PRKN: variants seen among roughly 807,000 people sequenced by gnomAD.
PRKN encodes E3 ubiquitin-protein ligase parkin.
Under a neutral mutation model 59.5 loss-of-function variants are expected in PRKN, and 56 were observed. That is an observed-to-expected ratio of 0.94 (90% CI 0.76 to 1.18). The LOEUF is 1.18. Among genes scored for constraint, PRKN ranks in the 50% most tolerant of loss-of-function variants. The pLI is 0.00. For synonymous variants in PRKN, 250 were observed against 222.1 expected (o/e 1.13, Z -1.12); for missense variants, 657 against 596.4 (o/e 1.10, Z -1.06).
intron 4 of PRKN, among the ~76,000 whole-genome samples, chr6:162,187,303 T>G (rs1324765751): frequency 6.6e-6 from 1 of 152,150 alleles, no homozygotes; most frequent in East Asian, 1.9e-4. Flanking sequence ...TCTAAACAAC[T>G]TGTACAGGAG....
At chr6:162,184,792 T>C (rs1411317945) in intron 4 of PRKN, among the ~76,000 whole-genome samples, 2 of 152,212 alleles carry the variant, frequency 1.3e-5, no homozygotes, top group Non-Finnish European at 2.9e-5. Flanking sequence ...TTAAAGATTC[T>C]GAAATCTGCA....
intron 2 of PRKN, among the ~76,000 whole-genome samples, chr6:162,421,099 G>A (rs117128643): frequency 0.039 from 5,923 of 152,188 alleles, 190 homozygotes; most frequent in Middle Eastern, 0.058. Flanking sequence ...CATGTCCAGA[G>A]ATCTCTGATT....
At chr6:162,576,836 A>C (rs1780578278) in intron 1 of PRKN, among the ~76,000 whole-genome samples, 1 of 145,292 alleles carries the variant, frequency 6.9e-6, no homozygotes, top group Admixed American at 6.8e-5. Context: ...AAAAAAAGGG[A>C]CTACTTATTG....
At chr6:161,733,797 T>TATATATATATATATAA in intron 7 of PRKN, among the ~76,000 whole-genome samples, 1 of 82,006 alleles carries the variant, frequency 1.2e-5, no homozygotes, top group African/African-American at 4.1e-5. Flanking sequence ...TATATATATA[T>TATATATATATATATAA]GTATATATAT....
intron 5 of PRKN, among the ~76,000 whole-genome samples, chr6:162,043,898 C>T (rs1233049763): frequency 2.6e-5 from 4 of 152,160 alleles, no homozygotes; most frequent in Admixed American, 2.6e-4. Context: ...CACTGAGGAA[C>T]ACCCTGGAGA....
intron 6 of PRKN, among the ~76,000 whole-genome samples, chr6:161,819,977 T>A (rs1351236992): frequency 5.9e-5 from 9 of 152,134 alleles, no homozygotes; most frequent in African/African-American, 2.2e-4. Context: ...TAAGTAACAC[T>A]GAAAAAATTA....
intron 3 of PRKN, among the ~76,000 whole-genome samples, chr6:162,203,622 T>G (rs1360714623): frequency 6.6e-6 from 1 of 152,192 alleles, no homozygotes; most frequent in Non-Finnish European, 1.5e-5. Context: ...TCGGCCTGGC[T>G]GAAGGGCCTA....
intron 1 of PRKN, among the ~76,000 whole-genome samples, chr6:162,478,748 GGC>G (rs1331969560): frequency 6.6e-6 from 1 of 152,132 alleles, no homozygotes; most frequent in Non-Finnish European, 1.5e-5. Flanking sequence ...TGCTGCTCTT[GGC>G]TACAAACCGG....
At position 162,488,052 on chromosome 6, in the gene PRKN, T is replaced by TG. The variant is rs1471892092; in HGVS notation, c.8-44580dup. On this transcript the variant is annotated intron_variant, in intron 1 of 11. Coordinates refer to ENST00000366898, the MANE Select transcript of PRKN (RefSeq NM_004562.3). ...CTTTTTTTTTTTTTTTTTTTTTTTT[T>TG]GGCGGAGGGTTAAACACTCACTAAT... 5.4e-5 allele frequency among the ~76,000 whole-genome samples: 8 copies of TG among 147,162 alleles called. No homozygotes were observed. The South Asian group carries it at 1.7e-3, about 31-fold the overall frequency.
intron 6 of PRKN, among the ~76,000 whole-genome samples, chr6:161,932,634 G>T (rs2128241220): frequency 6.6e-6 from 1 of 152,230 alleles, no homozygotes; most frequent in East Asian, 1.9e-4. Flanking sequence ...GCGAAAAAAG[G>T]ATGTGTGTAG....
chr6:162,672,855 T>C lies in PRKN; in HGVS notation c.7+54807A>G, dbSNP rs531440627. Among the ~76,000 whole-genome samples, 9 of 152,280 alleles carry C rather than the reference T, an allele frequency of 5.9e-5. No homozygotes were observed. The South Asian group carries it at 1.7e-3, about 28-fold the overall frequency. The stretch of plus-strand genomic sequence containing the variant: ...ACAGCAGAGATATAAATATTTTACT[T>C]ATCACTGTCAATACATATCAAATGT... On this transcript the variant is annotated intron_variant, in intron 1 of 11. Coordinates refer to ENST00000366898, the MANE Select transcript of PRKN (RefSeq NM_004562.3).
chr6:162,403,211 T>C (rs1787885861), intron 2 of PRKN, among the ~76,000 whole-genome samples: 1 of 152,150 alleles, frequency 6.6e-6, no homozygotes. Context: ...TCGTCACTTG[T>C]AGCTCGCCTC....
chr6:161,610,257 C>T (rs1049736590), intron 7 of PRKN, among the ~76,000 whole-genome samples: 8 of 151,952 alleles, frequency 5.3e-5, no homozygotes, highest in African/African-American at 1.5e-4. Context: ...TGGGTTCTGA[C>T]TCTGGGGGCA....
chr6:161,534,566 C>A (rs1181328146), intron 9 of PRKN, among the ~76,000 whole-genome samples: 1 of 152,180 alleles, frequency 6.6e-6, no homozygotes, highest in Non-Finnish European at 1.5e-5. Flanking sequence ...GGTACGAAGG[C>A]CCTTAAGTAT....
intron 2 of PRKN, among the ~76,000 whole-genome samples, chr6:162,415,519 G>A (rs1167583397): frequency 2.0e-5 from 3 of 152,112 alleles, no homozygotes; most frequent in South Asian, 2.1e-4. Flanking sequence ...GTGATTAAGA[G>A]GTAATTAAGA....
chr6:161,971,505 G>C (rs1309598215), intron 6 of PRKN, among the ~76,000 whole-genome samples: 1 of 152,164 alleles, frequency 6.6e-6, no homozygotes, highest in Non-Finnish European at 1.5e-5. Context: ...TCCCTTTCCC[G>C]AAACACCAGA....
intron 1 of PRKN, among the ~76,000 whole-genome samples, chr6:162,449,106 C>T (rs897619653): frequency 6.6e-6 from 1 of 152,006 alleles, no homozygotes; most frequent in African/African-American, 2.4e-5. Flanking sequence ...AGGCTGGTCT[C>T]GAACTCCTGA....
Position 161,405,533 on chromosome 6 carries a change from G to A in PRKN, c.1084-18656C>T, listed in dbSNP as rs769192901. ...GTGCAGGTTGTAGTGACCCAAGATCGTGCCATTGCACCCCACTCCAGCCTG... is the reference window on the plus strand; with the variant it reads ...GTGCAGGTTGTAGTGACCCAAGATCATGCCATTGCACCCCACTCCAGCCTG... On this transcript the variant is annotated intron_variant, in intron 9 of 11. Transcript: ENST00000366898. This position sits in a 1 kb window ranked among gnomAD's most constrained non-coding sequence, Gnocchi z 5.1. 9.2e-5 allele frequency among the ~76,000 whole-genome samples: 14 copies of A among 151,700 alleles called. No homozygotes were observed. Among genetic ancestry groups the A allele is most frequent in the East Asian group, 5.8e-4 (3 of 5,174 alleles).
intron 6 of PRKN, among the ~76,000 whole-genome samples, chr6:161,811,753 T>A (rs1406703985): frequency 6.6e-6 from 1 of 151,920 alleles, no homozygotes; most frequent in Non-Finnish European, 1.5e-5. Context: ...TGAAACTCCA[T>A]CTCTACTAAA....
Sources: allele counts gnomAD v4.1 joint callset (sites outside exome capture counted in the v4.1 genomes callset), GRCh38; gene constraint gnomAD v4.1.1; non-coding constraint Gnocchi (gnomAD v3.1); transcripts MANE v1.5; gene names NCBI Gene and HGNC (gene_info 2026-07-23, HGNC 2026-07-21).